The following SOS2 variants were observed in gnomAD, a reference collection of about 807,000 sequenced individuals.
The protein encoded by SOS2 is son of sevenless homolog 2.
In SOS2, 65 loss-of-function variants were observed where a neutral mutation model predicts 148.2. The observed-to-expected ratio is 0.44, with a 90% CI of 0.36 to 0.54. The LOEUF (loss-of-function observed/expected upper bound fraction) is 0.54. SOS2 is among the 20% of genes least tolerant of loss of function. The probability of loss-of-function intolerance (pLI) is 0.00; values close to 1 mark genes in which losing one functional copy is unlikely to be tolerated. For synonymous variants in SOS2, 539 were observed against 537.1 expected (o/e 1.00, Z -0.05); for missense variants, 1,341 against 1,590.2 (o/e 0.84, Z 2.67).
chr14:50,208,035 C>T (rs552510591), intron 1 of SOS2, among the ~76,000 whole-genome samples: 62 of 152,250 alleles, frequency 4.1e-4, no homozygotes, highest in African/African-American at 1.4e-3. Flanking sequence ...GAGGCTCACA[C>T]CTATAATCCC....
chr14:50,218,643 G>A (rs895512724), intron 1 of SOS2, among the ~76,000 whole-genome samples: 2 of 152,102 alleles, frequency 1.3e-5, no homozygotes, highest in African/African-American at 4.8e-5. Context: ...CATGAAAGAT[G>A]TTGAACATCA....
At chr14:50,147,274 T>G (rs1201826724) in intron 14 of SOS2, among the ~76,000 whole-genome samples, 1 of 150,824 alleles carries the variant, frequency 6.6e-6, no homozygotes, top group Non-Finnish European at 1.5e-5. Flanking sequence ...TTTTGGGAGG[T>G]TGAGGTGGGA....
At chr14:50,141,661 T>G (rs1178606769) in intron 16 of SOS2, among the ~76,000 whole-genome samples, 1 of 152,224 alleles carries the variant, frequency 6.6e-6, no homozygotes, top group Admixed American at 6.5e-5. Context: ...TTGAAAAGAC[T>G]TGTTACTATA....
intron 13 of SOS2, 104 bp downstream of exon 13, chr14:50,152,964 CAA>C (rs10707547): frequency 0.023 from 10,343 of 459,138 alleles, no homozygotes; most frequent in South Asian, 0.028. Context: ...AGCTCTGTTT[CAA>C]AAAAAAAAAA....
chr14:50,174,405 A>G, intron 8 of SOS2, 49 bp downstream of exon 8: 1 of 970,036 alleles, frequency 1.0e-6, no homozygotes. Flanking sequence ...TTTAAAAAGT[A>G]AACTCTTCTA....
chr14:50,203,639 T>A (rs1376567572), intron 2 of SOS2, among the ~76,000 whole-genome samples: 1 of 151,974 alleles, frequency 6.6e-6, no homozygotes, highest in Non-Finnish European at 1.5e-5. Flanking sequence ...TTTTTTTAAA[T>A]CACTGAGCAA....
chr14:50,185,598 A>C (rs564121540), intron 5 of SOS2, among the ~76,000 whole-genome samples: 77 of 151,784 alleles, frequency 5.1e-4, no homozygotes, highest in African/African-American at 1.8e-3. Context: ...AGGCTGAGGC[A>C]GGAGAATCGC....
intron 9 of SOS2, among the ~76,000 whole-genome samples, chr14:50,160,858 G>A (rs1356667391): frequency 1.3e-5 from 2 of 152,034 alleles, no homozygotes; most frequent in African/African-American, 4.8e-5. Flanking sequence ...AAATTAGGCA[G>A]GTGTGTTGGC....
At chr14:50,200,923 C>G (rs76647674) in intron 3 of SOS2, 30 bp downstream of exon 3, 5 of 1,601,018 alleles carry the variant, frequency 3.1e-6, no homozygotes, top group Non-Finnish European at 4.3e-6. Context: ...ATAAAGAACA[C>G]CCCCCAACTA....
Position 50,208,850 on chromosome 14 carries a change from T to G in SOS2, c.88-4441A>C, listed in dbSNP as rs147204233. Among the ~76,000 whole-genome samples the G allele has an allele frequency of 4.4e-4, 67 of 152,306 alleles. 1 individual carries two copies. The highest frequency in any genetic ancestry group is 1.6e-3 in the African/African-American group (67 of 41,574). On this transcript the variant is annotated intron_variant, in intron 1 of 22. Transcript: ENST00000216373. ...AGAATTGGTAAAGAAGAAACAAATT[T>G]GCAGATCATCTGACTGCCCATTGTG...
intron 16 of SOS2, among the ~76,000 whole-genome samples, chr14:50,143,630 T>C (rs1199093926): frequency 6.6e-6 from 1 of 151,922 alleles, no homozygotes; most frequent in East Asian, 1.9e-4. Context: ...TTAGTAGAGA[T>C]GGGGTTTCAT....
At chr14:50,141,169 A>C (rs1884268944) in intron 16 of SOS2, among the ~76,000 whole-genome samples, 1 of 125,114 alleles carries the variant, frequency 8.0e-6, no homozygotes, top group South Asian at 2.7e-4. Context: ...GTGCCACTGC[A>C]CTCCAGCCTG....
intron 7 of SOS2, 22 bp from the exon 8 acceptor site, chr14:50,174,574 C>G: frequency 1.4e-6 from 2 of 1,435,328 alleles, no homozygotes; most frequent in Non-Finnish European, 2.0e-6. Context: ...AAAGATATCA[C>G]AGTATGTATG....
intron 16 of SOS2, among the ~76,000 whole-genome samples, chr14:50,144,336 TTTG>T (rs1292358740): frequency 6.6e-6 from 1 of 152,054 alleles, no homozygotes; most frequent in African/African-American, 2.4e-5. Flanking sequence ...TAATCTCAAT[TTTG>T]TTATTAAAAT....
At chr14:50,199,357 G>C (rs142287775) in intron 4 of SOS2, among the ~76,000 whole-genome samples, 1 of 152,206 alleles carries the variant, frequency 6.6e-6, no homozygotes, top group Admixed American at 6.5e-5. Context: ...CCAAAGTAGG[G>C]TCTTCAAAAT....
intron 4 of SOS2, among the ~76,000 whole-genome samples, chr14:50,189,544 A>G (rs1886052540): frequency 6.6e-6 from 1 of 152,156 alleles, no homozygotes; most frequent in South Asian, 2.1e-4. Context: ...GGTATTCAAC[A>G]TGGTAGTTCC....
chr14:50,197,832 G>T (rs1192719909), intron 4 of SOS2, among the ~76,000 whole-genome samples: 1 of 151,766 alleles, frequency 6.6e-6, no homozygotes, highest in Non-Finnish European at 1.5e-5. Flanking sequence ...AGGATTACAG[G>T]CATATGCCAC....
chr14:50,145,828 G>A (rs544740672), intron 14 of SOS2, among the ~76,000 whole-genome samples: 17 of 152,260 alleles, frequency 1.1e-4, no homozygotes, highest in African/African-American at 3.8e-4. Flanking sequence ...TTACTCATTA[G>A]ATGAACAAAA....
At chr14:50,170,863 A>G (rs1033464153) in intron 8 of SOS2, among the ~76,000 whole-genome samples, 4 of 151,334 alleles carry the variant, frequency 2.6e-5, no homozygotes, top group African/African-American at 9.7e-5. Flanking sequence ...CTATAATCCC[A>G]GCACTTTGGG....
Sources: allele counts gnomAD v4.1 joint callset (sites outside exome capture counted in the v4.1 genomes callset), GRCh38; gene constraint gnomAD v4.1.1; transcripts MANE v1.5; gene names NCBI Gene and HGNC (gene_info 2026-07-23, HGNC 2026-07-21).